The following SHPRH variants were observed in gnomAD, a reference collection of about 807,000 sequenced individuals.
SHPRH encodes the protein SNF2 histone linker PHD RING helicase.
In SHPRH, 106 loss-of-function variants were observed where a neutral mutation model predicts 202.5. The ratio of observed to expected loss-of-function variants is 0.52; its 90% CI spans 0.45 to 0.62. SHPRH has a LOEUF of 0.62. Ranked by LOEUF, SHPRH falls within the 20% of genes least tolerant of loss-of-function variation. The pLI is 0.00. For missense variants in SHPRH, 1,710 were observed against 2,020.0 expected, an observed-to-expected ratio of 0.85 and a Z score of 2.94; for synonymous variants, 729 against 686.0, an observed-to-expected ratio of 1.06 and a Z score of -0.98.
intron 21 of SHPRH, 62 bp downstream of exon 21, chr6:145,921,105 G>A: frequency 2.8e-6 from 4 of 1,425,234 alleles, no homozygotes; most frequent in Non-Finnish European, 3.8e-6. Flanking sequence ...AAAAGTAGCA[G>A]TTAAAATTGA....
intron 2 of SHPRH, among the ~76,000 whole-genome samples, chr6:145,872,564 A>G (rs1780103824): frequency 6.6e-6 from 1 of 152,206 alleles, no homozygotes; most frequent in Non-Finnish European, 1.5e-5. Flanking sequence ...ATGTGAAGAA[A>G]AAGGAACACT....
At position 145,921,389 on chromosome 6, in the gene SHPRH, G is replaced by A; in HGVS notation, c.3786C>T (p.Val1262=). 6.2e-7 allele frequency: 1 copy of A among 1,611,980 alleles called. No homozygotes were observed. The highest frequency in any genetic ancestry group is 1.1e-5 in the South Asian group (1 of 90,990). The change falls in exon 21 of 30, where the codon GTC becomes GTT. Residue 1262 remains valine (V), a synonymous_variant. Transcript: ENST00000275233. ...EYESKLFSNT[V]KGQTAIFEEM... ...CCTCAAATATTGCAGTCTGGCCTTT[G>A]ACTCTGAAAACATACCAGAACAAAA...
At chr6:145,897,663 A>T (rs1562295593) in intron 25 of SHPRH, among the ~76,000 whole-genome samples, 1 of 152,122 alleles carries the variant, frequency 6.6e-6, no homozygotes, top group Non-Finnish European at 1.5e-5. Context: ...TCCACAACAC[A>T]TTAAAAGGGA....
rs528404398 is a variant in SHPRH at position 145,946,754 on chromosome 6, A to T, written c.1213-413T>A. On this transcript the variant is annotated intron_variant, in intron 6 of 29. Coordinates refer to ENST00000275233, the MANE Select transcript of SHPRH (RefSeq NM_001042683.3). ...TCTACAAAAAAAACATTTTTTTTTT[A>T]AATTTTCTACTCAAATCTGAAAGGC... Among the ~76,000 whole-genome samples the T allele has an allele frequency of 3.4e-4, 52 of 151,830 alleles. No individual in the cohort carries two copies. The East Asian group carries it at 4.8e-3, about 14-fold the overall frequency.
At chr6:145,911,300 C>G (rs777359718) in intron 24 of SHPRH, among the ~76,000 whole-genome samples, 12 of 151,988 alleles carry the variant, frequency 7.9e-5, no homozygotes, top group Non-Finnish European at 1.8e-4. Context: ...CCACGACCAG[C>G]TAATTTTTGT....
At position 145,935,365 on chromosome 6, in the gene SHPRH, C is replaced by T. The variant is rs199733196; in HGVS notation, c.2646G>A (p.Arg882=). The T allele has an allele frequency of 1.2e-4, 194 of 1,613,892 alleles. No homozygotes were observed. Among genetic ancestry groups the T allele is most frequent in the Non-Finnish European group, 1.6e-4 (188 of 1,179,964 alleles). Reference sequence around the variant, plus strand: ...GCTGAGGATTCTTCTTGCAGTAAGGCCGATAGAGAAGTCGAACCCACCAGT... The same window carrying T: ...GCTGAGGATTCTTCTTGCAGTAAGGTCGATAGAGAAGTCGAACCCACCAGT... ...VKHWWVRLLY[R]PYCKKNPQHL... is the part of the protein sequence containing the mutation. Residue 882 remains arginine (R), a synonymous_variant, in exon 12 of 30, where the codon CGG becomes CGA. Transcript: ENST00000275233.
In SHPRH at chr6:145,935,657, T is replaced by C. The variant is rs1466966368; in HGVS notation, c.2570-216A>G. 4 of 497,316 alleles carry C rather than the reference T, an allele frequency of 8.0e-6. No individual in the cohort carries two copies. In the East Asian group the frequency reaches 9.4e-5, roughly 12 times the overall value. 30.8% of individuals were successfully genotyped at this position (497,316 alleles called of 1,614,324 possible). A position where few individuals can be genotyped will look rare whatever the true frequency, so the allele number is the denominator to read the frequency against. On this transcript the variant is annotated intron_variant, in intron 11 of 29. Coordinates refer to ENST00000275233, the MANE Select transcript of SHPRH (RefSeq NM_001042683.3). ...TTTTGGGCTAGGTGCTAAAATAATG[T>C]TAGATTTATGCAACCATTCATTACA...
rs563925223 is a variant in SHPRH at position 145,935,342 on chromosome 6, T to C, written c.2669A>G (p.Gln890Arg). 55 of 1,613,960 alleles carry C rather than the reference T, an allele frequency of 3.4e-5. No homozygotes were observed. The highest frequency in any genetic ancestry group is 4.3e-5 in the Non-Finnish European group (51 of 1,180,002). Residue 890 changes from glutamine (Q) to arginine (R), a missense_variant, in exon 12 of 30, where the codon CAG becomes CGG. This residue lies in a region of SHPRH where 277 missense variants were observed against 363.0 expected (regional missense o/e 0.76). Transcript: ENST00000275233. Reference protein sequence around the residue: ...LYRPYCKKNPQHLYSFIAKIL... With the variant: ...LYRPYCKKNPRHLYSFIAKIL... Reference sequence around the variant, plus strand: ...CTTGGCAATAAAGCTGTAGAGATGCTGAGGATTCTTCTTGCAGTAAGGCCG... The same window carrying C: ...CTTGGCAATAAAGCTGTAGAGATGCCGAGGATTCTTCTTGCAGTAAGGCCG...
chr6:145,921,436 A>G, intron 20 of SHPRH, 44 bp from the exon 21 acceptor site: 1 of 1,560,274 alleles, frequency 6.4e-7, no homozygotes, highest in Non-Finnish European at 8.8e-7. Flanking sequence ...GGTATCAGTG[A>G]GTGAAAAGCA....
At chr6:145,879,934 G>GA (rs1562275959), downstream of SHPRH, among the ~76,000 whole-genome samples, 1 of 139,184 alleles carries the variant, frequency 7.2e-6, no homozygotes, top group South Asian at 2.3e-4. Flanking sequence ...AAAAAAAAAG[G>GA]AAAAAAGAAA....
chr6:145,879,493 TC>T (rs1371536293), intron 2 of SHPRH, among the ~76,000 whole-genome samples: 1 of 152,140 alleles, frequency 6.6e-6, no homozygotes, highest in East Asian at 1.9e-4. Flanking sequence ...TCTTTCCTTT[TC>T]TTAAAATTTT....
intron 17 of SHPRH, among the ~76,000 whole-genome samples, 168 bp from the exon 18 acceptor site, chr6:145,923,953 C>T (rs943640246): frequency 6.6e-6 from 1 of 151,850 alleles, no homozygotes; most frequent in African/African-American, 2.4e-5. Flanking sequence ...ACAATGCTCG[C>T]TTCCTCTTTT....
chr6:145,956,842 G>GA (rs1788559799), intron 1 of SHPRH, among the ~76,000 whole-genome samples: 1 of 152,068 alleles, frequency 6.6e-6, no homozygotes. Flanking sequence ...CTGACCTATA[G>GA]AAAAGCAATC....
rs987762168 is a variant in SHPRH at position 145,937,466 on chromosome 6, C to T, written c.2570-2025G>A. Among the ~76,000 whole-genome samples the T allele has an allele frequency of 3.3e-5, 5 of 152,232 alleles. No individual in the cohort carries two copies. The East Asian group carries it at 9.6e-4, about 29-fold the overall frequency. On this transcript the variant is annotated intron_variant, in intron 11 of 29. Transcript: ENST00000275233. ...GTGCCAGCACCACTTGCCTAGATTA[C>T]TTCTTATAGACAATCAATTAATATC...
intron 14 of SHPRH, among the ~76,000 whole-genome samples, chr6:145,930,702 G>A (rs1463113808): frequency 1.3e-5 from 2 of 152,106 alleles, no homozygotes; most frequent in African/African-American, 4.8e-5. Flanking sequence ...CTCTTTGGTT[G>A]GGTAGTCAAT....
At chr6:145,962,886 T>C (rs1440390590) in intron 1 of SHPRH, among the ~76,000 whole-genome samples, 1 of 152,220 alleles carries the variant, frequency 6.6e-6, no homozygotes, top group Non-Finnish European at 1.5e-5. Context: ...TTCTACTGAA[T>C]GCTAAAATAT....
chr6:145,873,778 T>C (rs1780171797), intron 2 of SHPRH, among the ~76,000 whole-genome samples: 1 of 151,920 alleles, frequency 6.6e-6, no homozygotes, highest in South Asian at 2.1e-4. Context: ...TTAGAAACTA[T>C]GTAGTCCCAG....
At chr6:145,934,613 T>G (rs577814662) in intron 13 of SHPRH, among the ~76,000 whole-genome samples, 2 of 151,394 alleles carry the variant, frequency 1.3e-5, no homozygotes, top group Admixed American at 6.6e-5. Flanking sequence ...CACTGTGAGC[T>G]ATGATCACAC....
intron 2 of SHPRH, among the ~76,000 whole-genome samples, chr6:145,870,315 G>T (rs1780001104): frequency 7.0e-6 from 1 of 143,884 alleles, no homozygotes; most frequent in South Asian, 2.2e-4. Context: ...AGGCTGGAGT[G>T]CAGTGGTGCA....
Sources: gnomAD v4.1 joint callset for allele counts (sites outside exome capture counted in the v4.1 genomes callset) on GRCh38, gnomAD v4.1.1 for gene constraint, gnomAD v4.1.1 regional missense constraint, MANE v1.5 for transcripts, NCBI Gene and HGNC (gene_info 2026-07-23, HGNC 2026-07-21) for gene names.